ABCC9: variants seen among roughly 807,000 people sequenced by gnomAD.
ABCC9 encodes ATP binding cassette subfamily C member 9.
ABCC9 carries 95 observed loss-of-function variants against 188.3 expected under a neutral mutation model. The ratio of observed to expected loss-of-function variants is 0.50; its 90% CI spans 0.43 to 0.60. The LOEUF is 0.60. ABCC9 is among the 20% of genes least tolerant of loss of function. ABCC9 has a pLI of 0.00. For missense variants in ABCC9, 1,102 were observed against 1,876.3 expected, an observed-to-expected ratio of 0.59 and a Z score of 7.62; for synonymous variants, 659 against 652.7, an observed-to-expected ratio of 1.01 and a Z score of -0.15.
chr12:21,931,186 C>G (rs1006332914), intron 4 of ABCC9, among the ~76,000 whole-genome samples: 1 of 152,008 alleles, frequency 6.6e-6, no homozygotes, highest in Non-Finnish European at 1.5e-5. Context: ...ATAATGGCAA[C>G]AATTCCCTCA....
rs189287988 is a variant in ABCC9, at chr12:21,933,649, G to T, written c.284+133C>A. ...GTTCAAAAAGACATAAGAACTTCCT[G>T]CAAGAGCTACATGGATCAGAGAGCA... is the stretch of plus-strand genomic sequence containing the variant. On this transcript the variant is annotated intron_variant, in intron 4 of 39. Transcript: ENST00000261200. 1,226 of 955,336 alleles carry T rather than the reference G, an allele frequency of 1.3e-3. 1 individual carries two copies. The highest frequency in any genetic ancestry group is 1.6e-3 in the Non-Finnish European group (1,009 of 628,334). 59.2% of individuals were successfully genotyped at this position (955,336 alleles called of 1,614,324 possible). A position where few individuals can be genotyped will look rare whatever the true frequency, so the allele number is the denominator to read the frequency against.
At chr12:21,932,055 T>C (rs1443019549) in intron 4 of ABCC9, among the ~76,000 whole-genome samples, 1 of 152,028 alleles carries the variant, frequency 6.6e-6, no homozygotes, top group Non-Finnish European at 1.5e-5. Context: ...GAAAATAAAT[T>C]TTAGACTTTC....
chr12:21,905,977 T>G (rs971755271), intron 12 of ABCC9, 149 bp downstream of exon 12: 35 of 829,456 alleles, frequency 4.2e-5, no homozygotes, highest in Admixed American at 6.3e-5. Flanking sequence ...CTCGTGTGGC[T>G]GGTGGCTATT....
intron 14 of ABCC9, among the ~76,000 whole-genome samples, chr12:21,892,865 C>T (rs2292771): frequency 0.35 from 53,720 of 152,070 alleles, 11,076 homozygotes; most frequent in Middle Eastern, 0.47. Flanking sequence ...ACAATTATCT[C>T]ATTTTAAAAG....
intron 25 of ABCC9, among the ~76,000 whole-genome samples, chr12:21,847,249 A>T (rs1481021975): frequency 1.3e-5 from 2 of 152,170 alleles, no homozygotes; most frequent in African/African-American, 4.8e-5. Flanking sequence ...CTCCACTCTT[A>T]TAGCCCATTA....
chr12:21,816,062 T>G (rs1452338745), intron 33 of ABCC9, among the ~76,000 whole-genome samples, 169 bp from the exon 34 acceptor site: 5 of 127,466 alleles, frequency 3.9e-5, no homozygotes, highest in Middle Eastern at 3.6e-3. Flanking sequence ...TTTTTTTTTT[T>G]TTTTTTTTTT....
intron 31 of ABCC9, among the ~76,000 whole-genome samples, chr12:21,821,940 A>G (rs906579277): frequency 1.8e-4 from 27 of 152,160 alleles, no homozygotes; most frequent in African/African-American, 5.3e-4. Context: ...ATAATTTTCA[A>G]TATGATCACT....
intron 4 of ABCC9, among the ~76,000 whole-genome samples, chr12:21,929,961 C>T (rs1949209680): frequency 6.6e-6 from 1 of 151,234 alleles, no homozygotes; most frequent in Non-Finnish European, 1.5e-5. Context: ...TTAGGTATAT[C>T]TCCTAATGCT....
intron 5 of ABCC9, chr12:21,923,946 C>G (rs1272305958): frequency 1.5e-6 from 1 of 650,154 alleles, no homozygotes; most frequent in African/African-American, 1.8e-5. Flanking sequence ...AAATATTGAT[C>G]TATGCTACAT....
intron 5 of ABCC9, among the ~76,000 whole-genome samples, chr12:21,918,043 A>C (rs1309124513): frequency 4.7e-5 from 7 of 148,036 alleles, no homozygotes; most frequent in Non-Finnish European, 1.0e-4. Context: ...AAAAAAAAAC[A>C]GACCAAATTA....
intron 24 of ABCC9, among the ~76,000 whole-genome samples, chr12:21,848,568 A>G (rs1000440212): frequency 6.6e-6 from 1 of 152,194 alleles, no homozygotes; most frequent in African/African-American, 2.4e-5. Context: ...TTATTTTTAC[A>G]TCACCTTCAG....
Position 21,908,186 on chromosome 12 carries a change from TAG to T in ABCC9, c.1344_1345del (p.Tyr449Ter), listed in dbSNP as rs1274477320. ...CAATGCACTTGATCCAAGTAAATTA[TAG>T]AGCAGAATCACGCCCATTATGATCT... On this transcript the variant is annotated frameshift_variant, in exon 11 of 40. Coordinates refer to ENST00000261200, the MANE Select transcript of ABCC9 (RefSeq NM_020297.4). LOFTEE classifies it high-confidence loss of function. 1 of 1,612,630 alleles carries T rather than the reference TAG, an allele frequency of 6.2e-7. No homozygotes were observed. Among genetic ancestry groups the T allele is most frequent in the Non-Finnish European group, 8.5e-7 (1 of 1,179,006 alleles).
chr12:21,896,840 T>C (rs1224750144), intron 12 of ABCC9, among the ~76,000 whole-genome samples: 1 of 152,256 alleles, frequency 6.6e-6, no homozygotes, highest in African/African-American at 2.4e-5. Flanking sequence ...TTTGGATTGA[T>C]TCCATGTCTT....
chr12:21,827,282 AC>A, intron 31 of ABCC9: 1 of 985,326 alleles, frequency 1.0e-6, no homozygotes, highest in Non-Finnish European at 1.2e-6. Context: ...TTCTTGTTCA[AC>A]ACTTATCCAT....
intron 18 of ABCC9, among the ~76,000 whole-genome samples, chr12:21,871,283 GA>G (rs1310624878): frequency 6.6e-6 from 1 of 152,132 alleles, no homozygotes; most frequent in Non-Finnish European, 1.5e-5. Flanking sequence ...AGTGGCAGGG[GA>G]AACCTTGTCT....
At chr12:21,822,624 C>T (rs929791409) in intron 31 of ABCC9, among the ~76,000 whole-genome samples, 3 of 133,774 alleles carry the variant, frequency 2.2e-5, no homozygotes, top group Admixed American at 7.3e-5. Context: ...ACAGTGAAAC[C>T]CCATCTCTAC....
intron 39 of ABCC9, among the ~76,000 whole-genome samples, chr12:21,803,761 G>A (rs1350086429): frequency 6.6e-6 from 1 of 151,820 alleles, no homozygotes; most frequent in Non-Finnish European, 1.5e-5. Flanking sequence ...AAAGTGTGGT[G>A]TCAATTGTAA....
intron 22 of ABCC9, among the ~76,000 whole-genome samples, chr12:21,859,268 A>G (rs1462614523): frequency 6.6e-6 from 1 of 152,156 alleles, no homozygotes; most frequent in Non-Finnish European, 1.5e-5. Context: ...GCCATCAAAT[A>G]TAAATAAGAA....
chr12:21,829,301 A>C (rs1943587625), intron 30 of ABCC9, among the ~76,000 whole-genome samples: 1 of 136,982 alleles, frequency 7.3e-6, no homozygotes, highest in Non-Finnish European at 1.5e-5. Flanking sequence ...TCCCGGGCTC[A>C]CACCATTCTT....
Sources: gnomAD v4.1 joint callset for allele counts (sites outside exome capture counted in the v4.1 genomes callset) on GRCh38, gnomAD v4.1.1 for gene constraint, MANE v1.5 for transcripts, NCBI Gene and HGNC (gene_info 2026-07-23, HGNC 2026-07-21) for gene names.